The following TENM1 variants were observed in gnomAD, a reference collection of about 807,000 sequenced individuals.
TENM1 encodes teneurin transmembrane protein 1.
A neutral mutation model predicts 174.8 loss-of-function variants in TENM1; 35 were observed. That is an observed-to-expected ratio of 0.20 (90% CI 0.15 to 0.27). TENM1 has a LOEUF of 0.27. Among genes scored for constraint, TENM1 ranks in the 10% least tolerant of loss-of-function variants. TENM1 has a pLI of 1.00. For synonymous variants in TENM1, 781 were observed against 798.7 expected (o/e 0.98, Z 0.37); for missense variants, 1,633 against 2,130.1 (o/e 0.77, Z 4.59).
intron 23 of TENM1, 84 bp from the exon 27 acceptor site, chrX:124,422,722 G>A: frequency 1.0e-6 from 1 of 979,245 alleles, no homozygotes; most frequent in Non-Finnish European, 1.4e-6. Context: ...AAAAAAAATT[G>A]GTGTATTGTT....
the TENM1 span, among the ~76,000 whole-genome samples, chrX:125,047,967 C>T: frequency 9.0e-6 from 1 of 111,132 alleles, no homozygotes; most frequent in Non-Finnish European, 1.9e-5. Flanking sequence ...AGCTTCAGGA[C>T]AAGAGGAGCA....
chrX:125,000,145 A>G, the TENM1 span, among the ~76,000 whole-genome samples: 1 of 111,900 alleles, frequency 8.9e-6, no homozygotes, highest in Non-Finnish European at 1.9e-5. Flanking sequence ...TTTGCAGTGC[A>G]TTGTAAATCA....
At chrX:124,628,227 A>G (rs1156527714) in intron 11 of TENM1, among the ~76,000 whole-genome samples, 4 of 111,207 alleles carry the variant, frequency 3.6e-5, no homozygotes, top group Non-Finnish European at 7.5e-5. Context: ...TCATACTGCA[A>G]GTTAACTTGT....
the TENM1 span, among the ~76,000 whole-genome samples, chrX:125,090,547 T>A: frequency 4.6e-5 from 5 of 109,647 alleles, no homozygotes; most frequent in Admixed American, 9.7e-5. Flanking sequence ...CACAGCTATT[T>A]AGGAGGCTGA....
At chrX:125,021,536 T>A in the TENM1 span, among the ~76,000 whole-genome samples, 4 of 111,589 alleles carry the variant, frequency 3.6e-5, no homozygotes, top group Non-Finnish European at 7.5e-5. Context: ...CCTAGTAGGT[T>A]TCTTTATGAA....
At chrX:124,795,495 T>C (rs1175747077) in intron 3 of TENM1, among the ~76,000 whole-genome samples, 1 of 112,013 alleles carries the variant, frequency 8.9e-6, no homozygotes, top group Non-Finnish European at 1.9e-5. Flanking sequence ...AAAAGCTAAC[T>C]ATCTTGCAAA....
At chrX:124,842,009 C>T (rs1435907761) in intron 3 of TENM1, among the ~76,000 whole-genome samples, 1 of 111,828 alleles carries the variant, frequency 8.9e-6, no homozygotes, top group East Asian at 2.8e-4. Context: ...TAGAAATATT[C>T]CAAAGTTTGC....
At chrX:125,157,243 C>T in the TENM1 span, among the ~76,000 whole-genome samples, 25 of 112,095 alleles carry the variant, frequency 2.2e-4, no homozygotes, top group African/African-American at 4.5e-4. Context: ...TACTTAATTA[C>T]GTAAAAGATG....
intron 4 of TENM1, among the ~76,000 whole-genome samples, chrX:124,725,518 G>C (rs1053218430): frequency 4.5e-5 from 5 of 111,909 alleles, no homozygotes; most frequent in Non-Finnish European, 9.4e-5. Context: ...TTGCTTATCT[G>C]TTCACCAAAG....
intron 3 of TENM1, among the ~76,000 whole-genome samples, chrX:124,836,384 T>G (rs960480188): frequency 1.8e-5 from 2 of 111,786 alleles, no homozygotes; most frequent in African/African-American, 6.5e-5. Context: ...TCTTTCTTCC[T>G]TCCTACACTG....
At chrX:124,386,267 C>T (rs1429151077) in intron 28 of TENM1, among the ~76,000 whole-genome samples, 1 of 111,318 alleles carries the variant, frequency 9.0e-6, no homozygotes, top group Admixed American at 9.5e-5. Flanking sequence ...AGGAGAAAGA[C>T]AAGTAACCAA....
chrX:124,966,663 A>G (rs1169601442), upstream of TENM1, among the ~76,000 whole-genome samples: 3 of 107,793 alleles, frequency 2.8e-5, no homozygotes, highest in Non-Finnish European at 1.9e-5. Flanking sequence ...CTCCGTCTCA[A>G]AAAAAAAAAA....
chrX:124,488,067 CAGA>C (rs1029580632), intron 20 of TENM1, among the ~76,000 whole-genome samples: 6 of 111,571 alleles, frequency 5.4e-5, no homozygotes, highest in African/African-American at 2.0e-4. Flanking sequence ...ACTGTTGGGC[CAGA>C]AGAAGGACAA....
the TENM1 span, among the ~76,000 whole-genome samples, chrX:125,008,622 C>T: frequency 5.4e-5 from 6 of 112,015 alleles, no homozygotes; most frequent in Admixed American, 9.5e-5. Context: ...AAACCAACCA[C>T]GTAATTGGAA....
At chrX:124,750,198 G>A (rs1199213145) in intron 3 of TENM1, among the ~76,000 whole-genome samples, 3 of 111,491 alleles carry the variant, frequency 2.7e-5, no homozygotes, top group Non-Finnish European at 5.7e-5. Context: ...AGACCAAGAT[G>A]GGGAGAGGTA....
intron 27 of TENM1, among the ~76,000 whole-genome samples, chrX:124,397,635 T>C (rs2060350733): frequency 9.0e-6 from 1 of 110,860 alleles, no homozygotes; most frequent in Non-Finnish European, 1.9e-5. Flanking sequence ...TCTCGCTCTG[T>C]CGCCCAGGCT....
At chrX:124,605,738 A>G (rs140642257) in intron 11 of TENM1, among the ~76,000 whole-genome samples, 10 of 111,597 alleles carry the variant, frequency 9.0e-5, no homozygotes, top group Non-Finnish European at 1.5e-4. Flanking sequence ...ATGGAATGTG[A>G]TCTACTGTTC....
intron 22 of TENM1, among the ~76,000 whole-genome samples, chrX:124,471,367 TATATATTATA>T (rs1272091103): frequency 2.6e-5 from 1 of 38,024 alleles, no homozygotes; most frequent in African/African-American, 1.2e-4. Context: ...TATATAGTAC[TATATATTATA>T]ATATATAGTA....
At chrX:124,704,858 GAA>G (rs879137184) in intron 5 of TENM1, among the ~76,000 whole-genome samples, 153 bp downstream of exon 8, 1 of 94,320 alleles carries the variant, frequency 1.1e-5, no homozygotes. Context: ...AGGTTAGGAA[GAA>G]AAAAAAAAAA....
Sources: gnomAD v4.1 joint callset for allele counts (sites outside exome capture counted in the v4.1 genomes callset) on GRCh38, gnomAD v4.1.1 for gene constraint, MANE v1.5 for transcripts, NCBI Gene and HGNC (gene_info 2026-07-23, HGNC 2026-07-21) for gene names.